The following HEATR1 variants were observed in gnomAD, a reference collection of about 807,000 sequenced individuals.
HEATR1 encodes HEAT repeat-containing protein 1.
Under a neutral mutation model 248.2 loss-of-function variants are expected in HEATR1, and 77 were observed. That is an observed-to-expected ratio of 0.31 (90% CI 0.26 to 0.37). The LOEUF is 0.37. Among genes scored for constraint, HEATR1 ranks in the 10% least tolerant of loss-of-function variants. The pLI is 1.00. For missense variants in HEATR1, 2,420 were observed against 2,504.9 expected (o/e 0.97, Z 0.72); for synonymous variants, 897 against 923.1 (o/e 0.97, Z 0.51).
chr1:236,578,200 T>C (rs1160748060), intron 20 of HEATR1, among the ~76,000 whole-genome samples: 1 of 152,232 alleles, frequency 6.6e-6, no homozygotes, highest in Non-Finnish European at 1.5e-5. Context: ...TCACATGAAA[T>C]TTCTATCTAA....
Position 236,559,125 on chromosome 1 carries a change from A to G in HEATR1, c.4781T>C (p.Leu1594Ser), listed in dbSNP as rs775049727. Residue 1594 changes from leucine to serine, a missense_variant, in exon 35 of 45, where the codon TTG (leucine) becomes TCG (serine). Physicochemically the swap from Leu to Ser is moderately radical, Grantham distance 145. Transcript: ENST00000366582. The part of the protein sequence containing the change: ...AYDLLDKVNA[L>S]LPTETFIPVI... ...AGGAATGAATGTCTCTGTGGGCAGC[A>G]AGGCATTGACCTAAAGAGAAATTTT... 6.3e-7 allele frequency: 1 copy of G among 1,583,746 alleles called. No homozygotes were observed. The highest frequency in any genetic ancestry group is 8.5e-7 in the Non-Finnish European group (1 of 1,170,920).
At chr1:236,580,464 A>G (rs1663685816) in intron 20 of HEATR1, among the ~76,000 whole-genome samples, 1 of 151,398 alleles carries the variant, frequency 6.6e-6, no homozygotes, top group Non-Finnish European at 1.5e-5. Context: ...TGCTAGTGCC[A>G]GTAACTTAAA....
chr1:236,585,145 G>T lies in HEATR1; in HGVS notation c.2121C>A (p.Ile707=). ...NLKQKVTFHV[I]LSVLVSCCSS... ...AACAACAAGAGACGAGCACAGACAGGATCACATGAAACGTTACTTTCTGCT... is the reference window on the plus strand; with the variant it reads ...AACAACAAGAGACGAGCACAGACAGTATCACATGAAACGTTACTTTCTGCT... The change falls in exon 17 of 45, where the codon ATC becomes ATA. Residue 707 remains isoleucine (I), a synonymous_variant. Transcript: ENST00000366582. 1 of 1,614,022 alleles carries T rather than the reference G, an allele frequency of 6.2e-7. No homozygotes were observed. Among genetic ancestry groups the T allele is most frequent in the South Asian group, 1.1e-5 (1 of 91,078 alleles).
intron 12 of HEATR1, among the ~76,000 whole-genome samples, chr1:236,589,448 TTAAAA>T (rs1320028910): frequency 1.3e-5 from 2 of 152,168 alleles, no homozygotes; most frequent in African/African-American, 4.8e-5. Flanking sequence ...ATATATCAAC[TTAAAA>T]TTAAGTATAA....
At chr1:236,595,724 G>A (rs1236690258) in intron 7 of HEATR1, 51 bp from the exon 8 acceptor site, 6 of 1,555,984 alleles carry the variant, frequency 3.9e-6, no homozygotes, top group Middle Eastern at 1.7e-4. Context: ...GTTAGACAAT[G>A]AGTAACAATA....
intron 37 of HEATR1, among the ~76,000 whole-genome samples, chr1:236,556,950 G>GC (rs2103124941): frequency 6.6e-6 from 1 of 152,158 alleles, no homozygotes; most frequent in South Asian, 2.1e-4. Flanking sequence ...AATACATTCC[G>GC]CACAATTAAA....
At chr1:236,566,603 G>T in intron 30 of HEATR1, 43 bp downstream of exon 30, 3 of 1,384,520 alleles carry the variant, frequency 2.2e-6, no homozygotes, top group South Asian at 1.2e-5. Context: ...AAATCTGTGT[G>T]AGAAATCACC....
At chr1:236,566,140 A>C (rs1663262109) in intron 30 of HEATR1, 95 bp from the exon 31 acceptor site, 2 of 1,225,302 alleles carry the variant, frequency 1.6e-6, no homozygotes, top group Admixed American at 4.7e-5. Context: ...AGCAGAACAG[A>C]GTATACTACT....
intron 21 of HEATR1, 26 bp downstream of exon 21, chr1:236,576,754 T>C: frequency 6.3e-7 from 1 of 1,594,084 alleles, no homozygotes; most frequent in East Asian, 2.2e-5. Context: ...ATGAACACAC[T>C]CAATCTTCTT....
At chr1:236,576,448 G>A in intron 21 of HEATR1, 71 bp from the exon 22 acceptor site, 1 of 1,121,054 alleles carries the variant, frequency 8.9e-7, no homozygotes, top group Non-Finnish European at 1.3e-6. Flanking sequence ...ATTAATTACG[G>A]AAGACTCTTA....
intron 32 of HEATR1, among the ~76,000 whole-genome samples, chr1:236,562,934 T>C (rs1347217373): frequency 2.1e-5 from 1 of 46,726 alleles, no homozygotes; most frequent in African/African-American, 3.4e-5. Context: ...ATAACAATAT[T>C]ATATAACAGT....
In HEATR1 at chr1:236,550,927, C is replaced by T. The variant is rs997410827; in HGVS notation, c.6410G>A (p.Gly2137Glu). ...KTIQQLETVL[G>E]EPLQSYF is the part of the protein sequence containing the mutation. ...TTAGAAATAGCTCTGGAGTGGCTCT[C>T]CCAGGACAGTTTCCAGTTGCTGAAT... The change falls in exon 45 of 45, where the codon GGA becomes GAA. Residue 2137 changes from glycine to glutamate, a missense_variant. Gly to Glu is a moderately conservative substitution (Grantham distance 98). Coordinates refer to ENST00000366582, the MANE Select transcript of HEATR1 (RefSeq NM_018072.6). 3.1e-6 allele frequency: 5 copies of T among 1,610,966 alleles called. No homozygotes were observed. The highest frequency in any genetic ancestry group is 1.7e-4 in the Middle Eastern group (1 of 6,036).
At position 236,550,870 on chromosome 1, in the gene HEATR1, T is replaced by TCTA; in HGVS notation, c.*31_*32insTAG. The stretch of plus-strand genomic sequence containing the variant: ...AAAAATATGAAATATGAGTGTGAAC[T>TCTA]CTGAGTAGAGTATGAAACACCACAG... On this transcript the variant is annotated 3_prime_UTR_variant, in exon 45 of 45. Transcript: ENST00000366582. 1.3e-6 allele frequency: 2 copies of TCTA among 1,515,902 alleles called. No individual in the cohort carries two copies. The highest frequency in any genetic ancestry group is 1.8e-6 in the Non-Finnish European group (2 of 1,117,138). The allele number at this position is 1,515,902 out of a possible 1,614,324, so 93.9% of individuals were successfully genotyped here.
In HEATR1 at chr1:236,557,027, G is replaced by A. The variant is rs551586149; in HGVS notation, c.5355+168C>T. Among the ~76,000 whole-genome samples the A allele has an allele frequency of 2.2e-4, 34 of 152,290 alleles. 1 individual carries two copies. In the South Asian group the frequency reaches 6.8e-3, roughly 31 times the overall value. On this transcript the variant is annotated intron_variant, in intron 37 of 44. Coordinates refer to ENST00000366582, the MANE Select transcript of HEATR1 (RefSeq NM_018072.6). Reference sequence around the variant, plus strand: ...TCAAGATTAAGTGGCAAGGATGATGGAAGAGAAAAAGTACACATTTAATAA... The same window carrying A: ...TCAAGATTAAGTGGCAAGGATGATGAAAGAGAAAAAGTACACATTTAATAA...
Position 236,564,509 on chromosome 1 carries a change from A to G in HEATR1, c.4588T>C (p.Phe1530Leu), listed in dbSNP as rs766555347. Residue 1530 changes from phenylalanine (F) to leucine (L), a missense_variant, in exon 32 of 45, where the codon TTT becomes CTT. Coordinates refer to ENST00000366582, the MANE Select transcript of HEATR1 (RefSeq NM_018072.6). ...FMSQLLSSNN[F>L]LKKVVESGGP... ...AAAGAACACATTACCTTTTTCAGAA[A>G]ATTATTGGAAGACAGGAGCTGAGAC... The G allele has an allele frequency of 6.2e-7, 1 of 1,612,328 alleles. No homozygotes were observed. Among genetic ancestry groups the G allele is most frequent in the South Asian group, 1.1e-5 (1 of 90,772 alleles).
At chr1:236,573,380 G>A (rs932404465) in intron 24 of HEATR1, among the ~76,000 whole-genome samples, 1 of 152,174 alleles carries the variant, frequency 6.6e-6, no homozygotes, top group African/African-American at 2.4e-5. Flanking sequence ...AGATTCTTTA[G>A]ATATGGGGTG....
chr1:236,556,287 G>T (rs1572031717), intron 37 of HEATR1, 29 bp from the exon 38 acceptor site: 2 of 1,611,038 alleles, frequency 1.2e-6, no homozygotes, highest in African/African-American at 1.3e-5. Flanking sequence ...AGTGATCAGG[G>T]CCACTGCAGA....
chr1:236,583,425 C>T (rs1663805456), intron 17 of HEATR1, among the ~76,000 whole-genome samples: 1 of 150,514 alleles, frequency 6.6e-6, no homozygotes, highest in African/African-American at 2.4e-5. Context: ...TCTCTAAAAA[C>T]AAACTTTATT....
chr1:236,554,850 A>C, intron 41 of HEATR1, 98 bp from the exon 42 acceptor site: 1 of 1,055,800 alleles, frequency 9.5e-7, no homozygotes, highest in South Asian at 1.6e-5. Flanking sequence ...ACTAAATCAG[A>C]AGAGTCTAAA....
Sources: gnomAD v4.1 joint callset for allele counts (sites outside exome capture counted in the v4.1 genomes callset) on GRCh38, gnomAD v4.1.1 for gene constraint, MANE v1.5 for transcripts, NCBI Gene and HGNC (gene_info 2026-07-23, HGNC 2026-07-21) for gene names.